The following GFRA1 variants were observed in gnomAD, a reference collection of about 807,000 sequenced individuals.
GFRA1 encodes GDNF family receptor alpha-1.
In GFRA1, 16 loss-of-function variants were observed where a neutral mutation model predicts 51.6. That is an observed-to-expected ratio of 0.31 (90% CI 0.21 to 0.47). GFRA1 has a LOEUF of 0.47. GFRA1 is among the 20% of genes least tolerant of loss of function. GFRA1 has a pLI of 1.00. For synonymous variants in GFRA1, 270 were observed against 241.3 expected, an observed-to-expected ratio of 1.12 and a Z score of -1.10; for missense variants, 530 against 594.3, an observed-to-expected ratio of 0.89 and a Z score of 1.13.
intron 4 of GFRA1, among the ~76,000 whole-genome samples, chr10:116,244,173 GATCT>G (rs1967654967): frequency 6.9e-6 from 1 of 144,522 alleles, no homozygotes; most frequent in African/African-American, 2.4e-5. Context: ...CTTTCAGATT[GATCT>G]ATTACGGATC....
At chr10:116,255,686 G>T (rs1418512281) in intron 4 of GFRA1, 1 of 1,288,984 alleles carries the variant, frequency 7.8e-7, no homozygotes, top group Admixed American at 2.3e-5. Context: ...TCCCCTTCCA[G>T]AACTTTCCTT....
intron 4 of GFRA1, among the ~76,000 whole-genome samples, chr10:116,256,029 G>A (rs1368654173): frequency 6.6e-6 from 1 of 152,156 alleles, no homozygotes; most frequent in Non-Finnish European, 1.5e-5. Context: ...GAAGGCGCTG[G>A]CAGTCATCCA....
chr10:116,270,545 T>A (rs1843822159), intron 3 of GFRA1, among the ~76,000 whole-genome samples: 1 of 152,176 alleles, frequency 6.6e-6, no homozygotes, highest in Admixed American at 6.5e-5. Flanking sequence ...GGGATCCTCC[T>A]CCCATGCTCC....
chr10:116,070,297 C>T (rs1335195709), intron 9 of GFRA1, among the ~76,000 whole-genome samples: 1 of 152,218 alleles, frequency 6.6e-6, no homozygotes, highest in East Asian at 1.9e-4. Context: ...CCAGCACTCA[C>T]TAAGTACCTA....
chr10:116,071,074 G>A (rs1372966085), intron 9 of GFRA1, among the ~76,000 whole-genome samples: 1 of 152,138 alleles, frequency 6.6e-6, no homozygotes, highest in Non-Finnish European at 1.5e-5. Flanking sequence ...GCAATGAAGG[G>A]ATCCATTTCC....
At chr10:116,101,629 T>C (rs1416045345) in intron 6 of GFRA1, among the ~76,000 whole-genome samples, 1 of 152,186 alleles carries the variant, frequency 6.6e-6, no homozygotes, top group Non-Finnish European at 1.5e-5. Flanking sequence ...TTACCTACTT[T>C]CTCTGCAACA....
intron 9 of GFRA1, among the ~76,000 whole-genome samples, chr10:116,080,368 A>G (rs1408008603): frequency 6.6e-6 from 1 of 152,178 alleles, no homozygotes; most frequent in Non-Finnish European, 1.5e-5. Context: ...CCTTATGAGA[A>G]GTTTCACAGT....
chr10:116,233,810 C>T (rs149832496), intron 4 of GFRA1, among the ~76,000 whole-genome samples: 41 of 152,296 alleles, frequency 2.7e-4, no homozygotes, highest in African/African-American at 8.7e-4. Flanking sequence ...TGATGTTTCC[C>T]CCCAATACAA....
intron 4 of GFRA1, among the ~76,000 whole-genome samples, chr10:116,218,802 T>C (rs887758525): frequency 4.6e-5 from 7 of 152,196 alleles, no homozygotes; most frequent in Non-Finnish European, 8.8e-5. Flanking sequence ...CGCTCTTTAA[T>C]GCTGCAAGAT....
In GFRA1 at chr10:116,166,780, CTTTTTTTTTTTTTTTTT is replaced by C. The variant is rs530399969; in HGVS notation, c.434-41240_434-41224del. ...TCCCTTGAAGGATAGCAACAATCTT[CTTTTTTTTTTTTTTTTT>C]TTTTTTTTTTTTTTTTTGTTGAGAC... is the stretch of plus-strand genomic sequence containing the variant. On this transcript the variant is annotated intron_variant, in intron 5 of 10. Transcript: ENST00000355422. Among the ~76,000 whole-genome samples the C allele has an allele frequency of 1.0e-4, 8 of 76,384 alleles. No homozygotes were observed. In the East Asian group the frequency reaches 1.3e-3, roughly 12 times the overall value. 50.1% of individuals were successfully genotyped at this position (76,384 alleles called of 152,430 possible).
chr10:116,081,834 ATTT>A (rs1198817274), intron 9 of GFRA1, among the ~76,000 whole-genome samples: 1 of 152,132 alleles, frequency 6.6e-6, no homozygotes, highest in Non-Finnish European at 1.5e-5. Context: ...TATGGTTTTA[ATTT>A]TAATATTTAT....
At chr10:116,195,175 C>T (rs752377727) in intron 5 of GFRA1, among the ~76,000 whole-genome samples, 1 of 152,120 alleles carries the variant, frequency 6.6e-6, no homozygotes. Context: ...AGAAAAACCT[C>T]CCCCATTGAG....
chr10:116,211,108 T>C (rs911274829), intron 5 of GFRA1, among the ~76,000 whole-genome samples: 5 of 152,196 alleles, frequency 3.3e-5, no homozygotes, highest in African/African-American at 1.2e-4. Context: ...CACCCTCACC[T>C]GGGTGACACT....
intron 5 of GFRA1, among the ~76,000 whole-genome samples, chr10:116,152,901 G>A (rs1241355128): frequency 1.3e-5 from 2 of 152,202 alleles, no homozygotes; most frequent in Non-Finnish European, 1.5e-5. Flanking sequence ...AGTAATTACT[G>A]TTTATTAGGA....
At chr10:116,245,337 G>A (rs1589906422) in intron 4 of GFRA1, among the ~76,000 whole-genome samples, 1 of 152,154 alleles carries the variant, frequency 6.6e-6, no homozygotes, top group Non-Finnish European at 1.5e-5. Context: ...CACACCATAT[G>A]CCATGAGGGA....
At chr10:116,250,312 G>C (rs1361198880) in intron 4 of GFRA1, among the ~76,000 whole-genome samples, 1 of 152,152 alleles carries the variant, frequency 6.6e-6, no homozygotes, top group African/African-American at 2.4e-5. Flanking sequence ...ACTAAGGAGA[G>C]AGGACCCAGG....
At chr10:116,252,089 T>C (rs1377539318) in intron 4 of GFRA1, among the ~76,000 whole-genome samples, 1 of 150,894 alleles carries the variant, frequency 6.6e-6, no homozygotes, top group Non-Finnish European at 1.5e-5. Context: ...GGGTAAATAT[T>C]TGCCGGGCAT....
chr10:116,104,156 G>A (rs1403188372), intron 6 of GFRA1, among the ~76,000 whole-genome samples: 1 of 152,146 alleles, frequency 6.6e-6, no homozygotes, highest in African/African-American at 2.4e-5. Context: ...TTAAAGCCTC[G>A]CCAACTGATG....
At chr10:116,258,976 T>C (rs1173050493) in intron 4 of GFRA1, among the ~76,000 whole-genome samples, 2 of 152,196 alleles carry the variant, frequency 1.3e-5, no homozygotes, top group Non-Finnish European at 2.9e-5. Flanking sequence ...AAGAAGAATA[T>C]ATATAGTGGT....
Sources: allele counts gnomAD v4.1 joint callset (sites outside exome capture counted in the v4.1 genomes callset), GRCh38; gene constraint gnomAD v4.1.1; transcripts MANE v1.5; gene names NCBI Gene and HGNC (gene_info 2026-07-23, HGNC 2026-07-21).